HK1: variants seen among roughly 807,000 people sequenced by gnomAD.
HK1 encodes the protein hexokinase-1.
In HK1, 28 loss-of-function variants were observed where a neutral mutation model predicts 91.6. The ratio of observed to expected loss-of-function variants is 0.31; its 90% CI spans 0.23 to 0.42. HK1 has a LOEUF of 0.42. Ranked by LOEUF, HK1 falls within the 10% of genes least tolerant of loss-of-function variation. The probability of loss-of-function intolerance (pLI) is 1.00; values close to 1 mark genes in which losing one functional copy is unlikely to be tolerated. For missense variants in HK1, 770 were observed against 1,219.8 expected, an observed-to-expected ratio of 0.63 and a Z score of 5.49; for synonymous variants, 430 against 468.1, an observed-to-expected ratio of 0.92 and a Z score of 1.05.
intron 2 of HK1, among the ~76,000 whole-genome samples, chr10:69,287,802 A>C (rs1016903626): frequency 6.6e-6 from 1 of 152,138 alleles, no homozygotes; most frequent in Non-Finnish European, 1.5e-5. Context: ...TAATGTGTAC[A>C]TTATAAAGAA....
At chr10:69,387,987 T>C (rs968944812) in intron 13 of HK1, among the ~76,000 whole-genome samples, 39 of 152,004 alleles carry the variant, frequency 2.6e-4, no homozygotes, top group African/African-American at 8.9e-4. Flanking sequence ...AGCAGACAGA[T>C]ACCTGGGCAC....
At position 69,390,564 on chromosome 10, in the gene HK1, CAAA is replaced by C. The variant is rs148253889; in HGVS notation, c.2035+1269_2035+1271del. 4.0e-3 allele frequency among the ~76,000 whole-genome samples: 608 copies of C among 152,330 alleles called. 7 individuals carry two copies. The highest frequency in any genetic ancestry group is 0.014 in the African/African-American group (573 of 41,582). On this transcript the variant is annotated intron_variant, in intron 14 of 17. Transcript: ENST00000359426. ...TTGGGTGAAAAGGGGGCTGAGAAAA[CAAA>C]GAACAAAAATCATCCAACTGTACAG...
Position 69,300,848 on chromosome 10 carries a change from C to T in HK1, c.14C>T (p.Ala5Val), listed in dbSNP as rs1194246116. The change falls in exon 5 of 22, where the codon GCC (alanine) becomes GTC (valine). Residue 5 changes from alanine (A) to valine (V), a missense_variant. Ala to Val is a moderately conservative substitution (Grantham distance 64). Coordinates refer to the HK1 transcript ENST00000360289. ...TGGCGTGGAAAGATGGCAAAAAGAG[C>T]CCTGCATGATTTTGTACGTAGAAAA... 4 of 1,588,326 alleles carry T rather than the reference C, an allele frequency of 2.5e-6. No homozygotes were observed. The Admixed American group carries it at 6.7e-5, about 27-fold the overall frequency.
At chr10:69,365,904 T>A (rs1160365002) in intron 4 of HK1, among the ~76,000 whole-genome samples, 1 of 152,154 alleles carries the variant, frequency 6.6e-6, no homozygotes, top group East Asian at 1.9e-4. Flanking sequence ...CGATCTCGGC[T>A]CACTGCAACC....
At chr10:69,303,684 C>G (rs1404004300) in intron 5 of HK1, among the ~76,000 whole-genome samples, 1 of 149,794 alleles carries the variant, frequency 6.7e-6, no homozygotes, top group Non-Finnish European at 1.5e-5. Context: ...CAATCCTGGA[C>G]AAGCTCCCAA....
rs368067534 is a variant in HK1, at chr10:69,322,974, A to G, written c.63+3964A>G. Among the ~76,000 whole-genome samples, 186 of 147,650 alleles carry G rather than the reference A, an allele frequency of 1.3e-3. 2 individuals carry two copies. Among genetic ancestry groups the G allele is most frequent in the African/African-American group, 4.4e-3 (177 of 39,996 alleles). On this transcript the variant is annotated intron_variant, in intron 1 of 17. Transcript: ENST00000359426. ...AAAATTGTGAAAAATCTGGCTGGGC[A>G]CAGTGGCTCATGCCTGTAATCCCAG...
At chr10:69,271,499 T>C (rs558915406) in intron 1 of HK1, among the ~76,000 whole-genome samples, 37 of 142,910 alleles carry the variant, frequency 2.6e-4, no homozygotes, top group African/African-American at 9.7e-4. Flanking sequence ...TTTTTTGAGA[T>C]GGAGTCTCGC....
intron 1 of HK1, among the ~76,000 whole-genome samples, chr10:69,321,961 C>A (rs1159372530): frequency 6.6e-6 from 1 of 152,214 alleles, no homozygotes; most frequent in African/African-American, 2.4e-5. Context: ...GGATTCCATT[C>A]ATCAGAATCC....
intron 2 of HK1, among the ~76,000 whole-genome samples, chr10:69,284,127 CAG>C (rs1844902565): frequency 6.6e-6 from 1 of 152,154 alleles, no homozygotes; most frequent in Non-Finnish European, 1.5e-5. Context: ...CTACTACCCT[CAG>C]GGTTTGGGAC....
chr10:69,359,950 C>A lies in HK1; in HGVS notation c.280C>A (p.Arg94=). The A allele has an allele frequency of 7.4e-6, 12 of 1,613,900 alleles. No individual in the cohort carries two copies. The highest frequency in any genetic ancestry group is 1.0e-5 in the Non-Finnish European group (12 of 1,179,794). The stretch of plus-strand genomic sequence containing the variant: ...TGGTGGGTCTTCCTTTCGAATTCTG[C>A]GGGTGCAAGTGAATCATGAGAAAAA... ...DLGGSSFRIL[R]VQVNHEKNQN... The change falls in exon 3 of 18, where the codon CGG becomes AGG. Residue 94 remains arginine (R), a synonymous_variant. Coordinates refer to ENST00000359426, the MANE Select transcript of HK1 (RefSeq NM_000188.3).
chr10:69,380,018 C>T lies in HK1; in HGVS notation c.1188C>T (p.Arg396=), dbSNP rs1242986148. The T allele has an allele frequency of 1.2e-6, 2 of 1,614,190 alleles. No homozygotes were observed. The highest frequency in any genetic ancestry group is 2.2e-5 in the South Asian group (2 of 91,086). ...VAATLGAILN[R]LRDNKGTPRL... The stretch of plus-strand genomic sequence containing the variant: ...CCACACTGGGCGCCATCTTGAACCG[C>T]CTGCGTGATAACAAGGGCACACCCA... Residue 396 remains arginine (R), a synonymous_variant, in exon 9 of 18, where the codon CGC becomes CGT. Coordinates refer to ENST00000359426, the MANE Select transcript of HK1 (RefSeq NM_000188.3). The surrounding 1 kb of genome is among the most constrained non-coding windows in gnomAD (Gnocchi z 4.0).
chr10:69,274,197 A>G (rs1844324272), intron 1 of HK1, among the ~76,000 whole-genome samples: 1 of 152,198 alleles, frequency 6.6e-6, no homozygotes, highest in Non-Finnish European at 1.5e-5. Flanking sequence ...TCATCCTAGC[A>G]CTTTGGTAGG....
chr10:69,294,205 T>C (rs569738193), intron 3 of HK1, among the ~76,000 whole-genome samples: 1 of 152,324 alleles, frequency 6.6e-6, no homozygotes, highest in East Asian at 1.9e-4. Context: ...GCATTGCTAT[T>C]GTCCTATGAG....
intron 3 of HK1, among the ~76,000 whole-genome samples, chr10:69,294,642 GT>G (rs1405914008): frequency 1.3e-5 from 2 of 152,096 alleles, no homozygotes; most frequent in Non-Finnish European, 2.9e-5. Context: ...GATCACTCAA[GT>G]TCAGGAGTTC....
chr10:69,381,997 G>A (rs76812137), intron 9 of HK1, among the ~76,000 whole-genome samples: 15,001 of 152,256 alleles, frequency 0.099, 1,190 homozygotes, highest in African/African-American at 0.22. Context: ...TTTTATGTGT[G>A]ATTATGAACG....
chr10:69,380,217 G>A lies in HK1; in HGVS notation c.1265+122G>A. On this transcript the variant is annotated intron_variant, in intron 9 of 17. Transcript: ENST00000359426. This position sits in a 1 kb window ranked among gnomAD's most constrained non-coding sequence, Gnocchi z 4.0. ...GCAGACAAGACAATGGTGGTCGGGG[G>A]CTGTGGCTCATGCCTGTAATCTTAG... 3.7e-6 allele frequency: 3 copies of A among 804,044 alleles called. No individual in the cohort carries two copies. Among genetic ancestry groups the A allele is most frequent in the Non-Finnish European group, 6.4e-6 (3 of 472,186 alleles). 49.8% of individuals were successfully genotyped at this position (804,044 alleles called of 1,614,324 possible).
chr10:69,277,870 T>C (rs1844546591), intron 1 of HK1, among the ~76,000 whole-genome samples: 1 of 151,982 alleles, frequency 6.6e-6, no homozygotes, highest in Admixed American at 6.6e-5. Context: ...CTGTCTCTAC[T>C]AAAAATACAA....
Position 69,276,118 on chromosome 10 carries a change from A to AAATATATATATATATATATAT in HK1, c.-391+6011_-391+6012insATATATATATATATATATATA. The stretch of plus-strand genomic sequence containing the variant: ...AAAAAAAAAAAAAAAAAAAAAAAAA[A>AAATATATATATATATATATAT]ATACATATATATATATATATACACA... On this transcript the variant is annotated intron_variant, in intron 1 of 21. Coordinates refer to the HK1 transcript ENST00000360289. Among the ~76,000 whole-genome samples, 6 of 38,266 alleles carry AAATATATATATATATATATAT rather than the reference A, an allele frequency of 1.6e-4. 1 individual carries two copies. Among genetic ancestry groups the AAATATATATATATATATATAT allele is most frequent in the Non-Finnish European group, 2.5e-4 (5 of 19,632 alleles). The allele number at this position is 38,266 out of a possible 152,430, so 25.1% of individuals were successfully genotyped here. A position where few individuals can be genotyped will look rare whatever the true frequency, so the allele number is the denominator to read the frequency against.
At chr10:69,358,915 A>C (rs927047571) in intron 2 of HK1, among the ~76,000 whole-genome samples, 14 of 151,672 alleles carry the variant, frequency 9.2e-5, no homozygotes, top group Non-Finnish European at 1.8e-4. Context: ...AGGGTGGCTC[A>C]TACCTGCCTA....
Sources: gnomAD v4.1 joint callset for allele counts (sites outside exome capture counted in the v4.1 genomes callset) on GRCh38, gnomAD v4.1.1 for gene constraint, Gnocchi (gnomAD v3.1) non-coding constraint, MANE v1.5 for transcripts, NCBI Gene and HGNC (gene_info 2026-07-23, HGNC 2026-07-21) for gene names.